CLCN6: variants seen among roughly 807,000 people sequenced by gnomAD.
The protein encoded by CLCN6 is Cl-/H+ antiporter 6.
A neutral mutation model predicts 109.8 loss-of-function variants in CLCN6; 70 were observed. The observed-to-expected ratio is 0.64, with a 90% CI of 0.53 to 0.78. CLCN6 has a LOEUF of 0.78. Among genes scored for constraint, CLCN6 ranks in the 30% least tolerant of loss-of-function variants. The pLI, the probability that CLCN6 is intolerant of heterozygous loss-of-function variation, is 0.00. For missense variants in CLCN6, 984 were observed against 1,142.3 expected, an observed-to-expected ratio of 0.86 and a Z score of 2.00; for synonymous variants, 444 against 447.8, an observed-to-expected ratio of 0.99 and a Z score of 0.11.
chr1:11,819,405 T>C (rs559717013), intron 4 of CLCN6, 83 bp from the exon 5 acceptor site: 1 of 1,231,098 alleles, frequency 8.1e-7, no homozygotes, highest in African/African-American at 1.5e-5. Flanking sequence ...GGGGAGGAGA[T>C]GCCTTCAAGA....
intron 8 of CLCN6, among the ~76,000 whole-genome samples, chr1:11,824,828 C>A (rs995904976): frequency 8.5e-5 from 13 of 152,134 alleles, no homozygotes; most frequent in African/African-American, 3.1e-4. Context: ...TAGCCATCAC[C>A]AGGCGCCTCT....
chr1:11,814,802 G>A (rs1032453715), intron 2 of CLCN6, among the ~76,000 whole-genome samples: 1 of 152,016 alleles, frequency 6.6e-6, no homozygotes, highest in Non-Finnish European at 1.5e-5. Context: ...GGAGGCTGAG[G>A]AGGGCGGATC....
At chr1:11,829,761 A>C (rs113712703) in intron 13 of CLCN6, 4,464 of 93,490 alleles carry the variant, frequency 0.048, 225 homozygotes, top group Middle Eastern at 0.07. Context: ...TGGGAACGAC[A>C]CTGGCGTCAC....
Position 11,837,025 on chromosome 1 carries a change from C to T in CLCN6, c.2007C>T (p.Gly669=), listed in dbSNP as rs41275500. 83,257 of 1,611,578 alleles carry T rather than the reference C, an allele frequency of 0.052. 2,606 individuals carry two copies. Among genetic ancestry groups the T allele is most frequent in the East Asian group, 0.11 (4,918 of 44,872 alleles). ...FKKSSILTRA[G]EQRKRSQSMK... Reference sequence around the variant, plus strand: ...AATCCAGCATCCTCACCCGGGCTGGCGAGCAGCGCAAACGGAGCCAGTCCA... The same window carrying T: ...AATCCAGCATCCTCACCCGGGCTGGTGAGCAGCGCAAACGGAGCCAGTCCA... The change falls in exon 19 of 23, where the codon GGC becomes GGT. Residue 669 remains glycine, a synonymous_variant. Transcript: ENST00000346436.
Position 11,838,709 on chromosome 1 carries a change from G to A in CLCN6, c.2529+49G>A, listed in dbSNP as rs761013296. 3.7e-6 allele frequency: 6 copies of A among 1,613,916 alleles called. No individual in the cohort carries two copies. In the South Asian group the frequency reaches 6.6e-5, roughly 18 times the overall value. On this transcript the variant is annotated intron_variant, in intron 22 of 22. Transcript: ENST00000346436. ...CCCACCTTTGAGAGAGGATCCCCTA[G>A]CCAGGTGCTGTTTGTGCACCCAGGC...
chr1:11,837,531 C>T lies in CLCN6; in HGVS notation c.2295+32C>T, dbSNP rs374831022. ...CTCTCCGAGGCAGAAATCAGCCAGGCCAGACCTGACGAAGCTCGAGGGGTT... is the reference window on the plus strand; with the variant it reads ...CTCTCCGAGGCAGAAATCAGCCAGGTCAGACCTGACGAAGCTCGAGGGGTT... On this transcript the variant is annotated intron_variant, in intron 20 of 22. Coordinates refer to ENST00000346436, the MANE Select transcript of CLCN6 (RefSeq NM_001286.5). 2.5e-6 allele frequency: 4 copies of T among 1,601,728 alleles called. No homozygotes were observed. In the African/African-American group the frequency reaches 5.4e-5, roughly 21 times the overall value.
rs540989485 is a variant in CLCN6, at chr1:11,819,328, CCTT to C, written c.280-157_280-155del. On this transcript the variant is annotated intron_variant, in intron 4 of 22. Transcript: ENST00000346436. ...GACTGGGCTGGAGAAGGGATCTCCT[CCTT>C]CTGCGCTTTTCTGCTGTGCATTCAC... 2.6e-3 allele frequency among the ~76,000 whole-genome samples: 393 copies of C among 152,300 alleles called. 1 individual carries two copies. The highest frequency in any genetic ancestry group is 8.9e-3 in the African/African-American group (371 of 41,566).
rs1249734673 is a variant in CLCN6, at chr1:11,825,261, A to G, written c.648+708A>G. Among the ~76,000 whole-genome samples, 4 of 152,134 alleles carry G rather than the reference A, an allele frequency of 2.6e-5. No individual in the cohort carries two copies. In the East Asian group the frequency reaches 5.8e-4, roughly 22 times the overall value. On this transcript the variant is annotated intron_variant, in intron 8 of 22. Transcript: ENST00000346436. ...TGGGAGTCTCTGAGGTGAAGGAGGGAAGATTCTTTCGTCCAGAGCTCGTCT... is the reference window on the plus strand; with the variant it reads ...TGGGAGTCTCTGAGGTGAAGGAGGGGAGATTCTTTCGTCCAGAGCTCGTCT...
rs1487941244 is a variant in CLCN6, at chr1:11,838,633, C to T, written c.2502C>T (p.His834=). The T allele has an allele frequency of 1.9e-6, 3 of 1,614,252 alleles. No individual in the cohort carries two copies. Among genetic ancestry groups the T allele is most frequent in the Non-Finnish European group, 2.5e-6 (3 of 1,180,042 alleles). Reference sequence around the variant, plus strand: ...TGTTCAGAACGATGGGCCTGCGCCACCTGCCCGTGGTGAACGCTGTGGGAG... The same window carrying T: ...TGTTCAGAACGATGGGCCTGCGCCATCTGCCCGTGGTGAACGCTGTGGGAG... The part of the protein sequence containing the change: ...FNLFRTMGLR[H]LPVVNAVGEI... The change falls in exon 22 of 23, where the codon CAC becomes CAT. Residue 834 remains histidine, a synonymous_variant. Coordinates refer to ENST00000346436, the MANE Select transcript of CLCN6 (RefSeq NM_001286.5).
Position 11,806,286 on chromosome 1 carries a change from G to GTGCTGCTGCTGCAGGTGGTGC in CLCN6, c.34_54dup (p.Cys12_Cys18dup), listed in dbSNP as rs752363354. On this transcript the variant is annotated inframe_insertion, in exon 1 of 23. Coordinates refer to ENST00000346436, the MANE Select transcript of CLCN6 (RefSeq NM_001286.5). ...AGATGGCGGGGTGCAGGGGGTCTCT[G>GTGCTGCTGCTGCAGGTGGTGC]TGCTGCTGCTGCAGGTGGTGCTGCT... 2 of 1,506,036 alleles carry GTGCTGCTGCTGCAGGTGGTGC rather than the reference G, an allele frequency of 1.3e-6. No homozygotes were observed. The highest frequency in any genetic ancestry group is 1.8e-6 in the Non-Finnish European group (2 of 1,138,128). The allele number at this position is 1,506,036 out of a possible 1,614,324, so 93.3% of individuals were successfully genotyped here.
At chr1:11,828,014 T>C in intron 10 of CLCN6, 92 bp from the exon 11 acceptor site, 2 of 912,420 alleles carry the variant, frequency 2.2e-6, no homozygotes, top group Non-Finnish European at 3.6e-6. Flanking sequence ...CGGAGGTCTC[T>C]GCGTAGAGCA....
intron 10 of CLCN6, among the ~76,000 whole-genome samples, chr1:11,827,697 C>T (rs1351690800): frequency 2.6e-5 from 4 of 152,142 alleles, no homozygotes; most frequent in Admixed American, 1.3e-4. Context: ...TGAGCCACCA[C>T]GCCTGGCCTT....
At chr1:11,828,646 C>G (rs962493461) in intron 12 of CLCN6, 22 bp downstream of exon 12, 4 of 1,574,902 alleles carry the variant, frequency 2.5e-6, no homozygotes, top group African/African-American at 1.4e-5. Context: ...GTCGCCTCCC[C>G]CCCGAGCCTG....
At position 11,834,416 on chromosome 1, in the gene CLCN6, C is replaced by T. The variant is rs751003448; in HGVS notation, c.1686+21C>T. 9.9e-6 allele frequency: 16 copies of T among 1,613,118 alleles called. No homozygotes were observed. The South Asian group carries it at 1.5e-4, about 16-fold the overall frequency. On this transcript the variant is annotated intron_variant, in intron 16 of 22. Transcript: ENST00000346436. This position sits in a 1 kb window ranked among gnomAD's most constrained non-coding sequence, Gnocchi z 4.5. ...TGATGGTGAGCACACTCCCTCCAGG[C>T]CCCTGTCAGGCTCAGGGCCACGTCC...
intron 7 of CLCN6, 21 bp downstream of exon 7, chr1:11,823,854 A>T (rs774722573): frequency 6.2e-7 from 1 of 1,613,536 alleles, no homozygotes; most frequent in Non-Finnish European, 8.5e-7. Context: ...TCCAACTTGT[A>T]TCCTTCAAAT....
chr1:11,840,269 T>C lies in CLCN6; in HGVS notation c.*46T>C. 6.6e-7 allele frequency: 1 copy of C among 1,520,826 alleles called. No homozygotes were observed. The allele number at this position is 1,520,826 out of a possible 1,614,324, so 94.2% of individuals were successfully genotyped here. On this transcript the variant is annotated 3_prime_UTR_variant, in exon 23 of 23. Coordinates refer to ENST00000346436, the MANE Select transcript of CLCN6 (RefSeq NM_001286.5). The stretch of plus-strand genomic sequence containing the variant: ...TGGTGCTGCCTGGGGAGGCAAATCA[T>C]GCTCACTCCGGCGGGCACAGCTGGC...
chr1:11,820,447 C>G (rs1644726596), intron 5 of CLCN6: 2 of 709,906 alleles, frequency 2.8e-6, no homozygotes, highest in South Asian at 3.0e-5. Context: ...TTTCTTAAAA[C>G]TCCAGAAGGC....
rs1158572788 is a variant in CLCN6, at chr1:11,842,174, G to A, written c.*1951G>A. 1.3e-5 allele frequency: 2 copies of A among 152,232 alleles called. No homozygotes were observed. The highest frequency in any genetic ancestry group is 3.9e-4 in the East Asian group (2 of 5,194). 9.4% of individuals were successfully genotyped at this position (152,232 alleles called of 1,614,324 possible). On this transcript the variant is annotated 3_prime_UTR_variant, in exon 23 of 23. Coordinates refer to ENST00000346436, the MANE Select transcript of CLCN6 (RefSeq NM_001286.5). Reference sequence around the variant, plus strand: ...TGGCAGAGCTAACGCCCTGCAGGAGGACCCCGGCCTCTCGAGGGCTGGATC... The same window carrying A: ...TGGCAGAGCTAACGCCCTGCAGGAGAACCCCGGCCTCTCGAGGGCTGGATC...
chr1:11,829,290 A>G lies in CLCN6; in HGVS notation c.1216A>G (p.Ser406Gly), dbSNP rs1197387145. 3.7e-6 allele frequency: 6 copies of G among 1,614,120 alleles called. No individual in the cohort carries two copies. In the South Asian group the frequency reaches 6.6e-5, roughly 18 times the overall value. The change falls in exon 13 of 23, where the codon AGT becomes GGT. Residue 406 changes from serine (S) to glycine (G), a missense_variant. Ser to Gly is a moderately conservative substitution (Grantham distance 56). Coordinates refer to ENST00000346436, the MANE Select transcript of CLCN6 (RefSeq NM_001286.5). ...LGECRQMSSS[S>G]QIGNDSFQLQ... is the part of the protein sequence containing the mutation. ...AGAATGCCGACAGATGTCCTCTTCGAGTCAAATCGGTAATGACTCATTCCA... is the reference window on the plus strand; with the variant it reads ...AGAATGCCGACAGATGTCCTCTTCGGGTCAAATCGGTAATGACTCATTCCA...
Sources: gnomAD v4.1 joint callset for allele counts (sites outside exome capture counted in the v4.1 genomes callset) on GRCh38, gnomAD v4.1.1 for gene constraint, Gnocchi (gnomAD v3.1) non-coding constraint, MANE v1.5 for transcripts, NCBI Gene and HGNC (gene_info 2026-07-23, HGNC 2026-07-21) for gene names.